The following PIAS4 variants were observed in gnomAD, a reference collection of about 807,000 sequenced individuals.
PIAS4 encodes the protein E3 SUMO-protein ligase PIAS4.
Under a neutral mutation model 58.0 loss-of-function variants are expected in PIAS4, and 7 were observed. The observed-to-expected ratio is 0.12, with a 90% CI of 0.07 to 0.23. PIAS4 has a LOEUF of 0.23. Among genes scored for constraint, PIAS4 ranks in the 10% least tolerant of loss-of-function variants. The pLI, the probability that PIAS4 is intolerant of heterozygous loss-of-function variation, is 1.00. For missense variants in PIAS4, 550 were observed against 709.5 expected (o/e 0.78, Z 2.55); for synonymous variants, 364 against 312.4 (o/e 1.17, Z -1.74).
At chr19:4,028,625 G>A (rs748696949) in intron 5 of PIAS4, 25 bp downstream of exon 5, 25 of 1,610,774 alleles carry the variant, frequency 1.6e-5, no homozygotes, top group African/African-American at 4.0e-5. Flanking sequence ...CCCCCGCGTC[G>A]GCTGCACGGG....
At chr19:4,024,530 C>T (rs1394959455) in intron 3 of PIAS4, among the ~76,000 whole-genome samples, 3 of 152,162 alleles carry the variant, frequency 2.0e-5, no homozygotes, top group Non-Finnish European at 2.9e-5. Flanking sequence ...ATAACCCGGG[C>T]GAGACCTCCC....
At position 4,037,311 on chromosome 19, in the gene PIAS4, G is replaced by C. The variant is rs2040308734; in HGVS notation, c.1143-63G>C. ...CTGGCTGCATCCGGGAGGGATGGAGGGCTGGGGAGTTGGGGGGGTGGGGCA... is the reference window on the plus strand; with the variant it reads ...CTGGCTGCATCCGGGAGGGATGGAGCGCTGGGGAGTTGGGGGGGTGGGGCA... On this transcript the variant is annotated intron_variant, in intron 9 of 10. Coordinates refer to ENST00000262971, the MANE Select transcript of PIAS4 (RefSeq NM_015897.4). This position sits in a 1 kb window ranked among gnomAD's most constrained non-coding sequence, Gnocchi z 5.8. The C allele has an allele frequency of 6.4e-7, 1 of 1,553,344 alleles. No homozygotes were observed. Among genetic ancestry groups the C allele is most frequent in the Non-Finnish European group, 8.7e-7 (1 of 1,148,866 alleles).
At chr19:4,033,646 G>A (rs899559783) in intron 9 of PIAS4, 66 bp downstream of exon 9, 8 of 1,321,416 alleles carry the variant, frequency 6.1e-6, no homozygotes, top group Non-Finnish European at 8.2e-6. Flanking sequence ...GTGGCACCCC[G>A]CTTCCTGCAG....
At chr19:4,010,602 A>C (rs1038345522) in intron 1 of PIAS4, among the ~76,000 whole-genome samples, 38 of 152,334 alleles carry the variant, frequency 2.5e-4, no homozygotes, top group African/African-American at 8.9e-4. Flanking sequence ...TGTGCTGGTG[A>C]GTGAGGGTCC....
At chr19:4,028,289 A>G in intron 4 of PIAS4, 102 bp downstream of exon 4, 6 of 1,004,396 alleles carry the variant, frequency 6.0e-6, no homozygotes, top group South Asian at 1.4e-5. Flanking sequence ...TCCCCTGCTA[A>G]CAGCAGAGCC....
At chr19:4,026,590 C>A (rs1406493405) in intron 3 of PIAS4, among the ~76,000 whole-genome samples, 1 of 152,140 alleles carries the variant, frequency 6.6e-6, no homozygotes, top group Admixed American at 6.6e-5. Context: ...AGCTGCCACC[C>A]TTCATCCACT....
intron 2 of PIAS4, chr19:4,017,783 C>T (rs1361631130): frequency 6.7e-6 from 1 of 148,740 alleles, no homozygotes; most frequent in Non-Finnish European, 1.5e-5. Flanking sequence ...AAGCGATTCT[C>T]CTGCCTCAGC....
intron 3 of PIAS4, among the ~76,000 whole-genome samples, chr19:4,025,331 T>A (rs1010262159): frequency 6.6e-6 from 1 of 152,190 alleles, no homozygotes; most frequent in Non-Finnish European, 1.5e-5. Context: ...CCAGTGTGGC[T>A]GCCCTGCGCT....
intron 7 of PIAS4, among the ~76,000 whole-genome samples, chr19:4,029,520 G>A (rs567545540): frequency 6.6e-6 from 1 of 152,236 alleles, no homozygotes; most frequent in African/African-American, 2.4e-5. Flanking sequence ...ACCTCACGTT[G>A]GTGAGGCCCC....
intron 9 of PIAS4, among the ~76,000 whole-genome samples, chr19:4,036,105 C>T: frequency 7.5e-6 from 1 of 134,002 alleles, no homozygotes; most frequent in Admixed American, 7.5e-5. Context: ...GTCATACAAA[C>T]ACACACACAT....
At chr19:4,034,646 C>T (rs1216217388) in intron 9 of PIAS4, among the ~76,000 whole-genome samples, 1 of 152,262 alleles carries the variant, frequency 6.6e-6, no homozygotes, top group African/African-American at 2.4e-5. Flanking sequence ...CCCAGCCTGA[C>T]AGCTGTGCAG....
At chr19:4,033,645 C>T (rs943277215) in intron 9 of PIAS4, 65 bp downstream of exon 9, 51 of 1,340,012 alleles carry the variant, frequency 3.8e-5, no homozygotes, top group African/African-American at 8.8e-5. Flanking sequence ...GGTGGCACCC[C>T]GCTTCCTGCA....
At chr19:4,036,875 T>G (rs2040301741) in intron 9 of PIAS4, among the ~76,000 whole-genome samples, 1 of 150,192 alleles carries the variant, frequency 6.7e-6, no homozygotes, top group Non-Finnish European at 1.5e-5. Context: ...ATCCATACAG[T>G]CCACATTCAC....
rs1048979552 is a variant in PIAS4, at chr19:4,033,479, C to T, written c.1041C>T (p.Cys347=). Residue 347 remains cysteine, a synonymous_variant, in exon 9 of 11, where the codon TGC becomes TGT. Coordinates refer to ENST00000262971, the MANE Select transcript of PIAS4 (RefSeq NM_015897.4). ...CRAETCAHLQ[C]FDAVFYLQMN... Reference sequence around the variant, plus strand: ...CAGAGACCTGTGCCCACCTGCAGTGCTTCGACGCCGTCTTCTACCTGCAGA... The same window carrying T: ...CAGAGACCTGTGCCCACCTGCAGTGTTTCGACGCCGTCTTCTACCTGCAGA... 1.9e-6 allele frequency: 3 copies of T among 1,577,836 alleles called. No individual in the cohort carries two copies. The highest frequency in any genetic ancestry group is 2.6e-6 in the Non-Finnish European group (3 of 1,162,782).
chr19:4,013,345 A>G lies in PIAS4; in HGVS notation c.450A>G (p.Glu150=), dbSNP rs984810896. Residue 150 remains glutamate, a synonymous_variant, in exon 2 of 11, where the codon GAA becomes GAG. Transcript: ENST00000262971. The surrounding 1 kb of genome is among the most constrained non-coding windows in gnomAD (Gnocchi z 5.1). ...TGGATGAGCTGCTGAAGCCCACCGA[A>G]TTAGGTGAGTGGTCACCCTGGGGAG... ...NMLDELLKPT[E]LVPQNNEKLQ... 1.2e-6 allele frequency: 2 copies of G among 1,611,254 alleles called. No homozygotes were observed. The highest frequency in any genetic ancestry group is 1.7e-6 in the Non-Finnish European group (2 of 1,178,832).
chr19:4,025,951 G>A (rs900578750), intron 3 of PIAS4, among the ~76,000 whole-genome samples: 2 of 150,914 alleles, frequency 1.3e-5, no homozygotes, highest in East Asian at 2.0e-4. Flanking sequence ...ACGGGCGCCT[G>A]TAGTCCCAGC....
Position 4,033,050 on chromosome 19 carries a change from G to A in PIAS4, c.908-50G>A, listed in dbSNP as rs370721907. The A allele has an allele frequency of 1.6e-5, 23 of 1,459,234 alleles. No individual in the cohort carries two copies. The African/African-American group carries it at 1.8e-4, about 11-fold the overall frequency. The allele number at this position is 1,459,234 out of a possible 1,614,324, so 90.4% of individuals were successfully genotyped here. ...GAGAGAACTCGAATCACAGCCCCGC[G>A]CCCTGCTGTTCCCACCCTCCTGACG... On this transcript the variant is annotated intron_variant, in intron 7 of 10. Coordinates refer to ENST00000262971, the MANE Select transcript of PIAS4 (RefSeq NM_015897.4).
At chr19:4,035,832 A>C in intron 9 of PIAS4, among the ~76,000 whole-genome samples, 1 of 150,724 alleles carries the variant, frequency 6.6e-6, no homozygotes, top group East Asian at 1.9e-4. Flanking sequence ...CCACACCATC[A>C]CACACACACC....
chr19:4,009,491 G>T (rs1262969024), intron 1 of PIAS4, among the ~76,000 whole-genome samples: 2 of 152,056 alleles, frequency 1.3e-5, no homozygotes, highest in Admixed American at 6.6e-5. Flanking sequence ...TGAGGGCAGG[G>T]TCTGCACTCT....
Sources: allele counts gnomAD v4.1 joint callset (sites outside exome capture counted in the v4.1 genomes callset), GRCh38; gene constraint gnomAD v4.1.1; non-coding constraint Gnocchi (gnomAD v3.1); transcripts MANE v1.5; gene names NCBI Gene and HGNC (gene_info 2026-07-23, HGNC 2026-07-21).